The following CISD2 variants were observed in gnomAD, a reference collection of about 807,000 sequenced individuals.
The protein encoded by CISD2 is CDGSH iron-sulfur domain-containing protein 2.
CISD2 carries 1 observed loss-of-function variant against 12.9 expected under a neutral mutation model. The observed-to-expected ratio is 0.08, with a 90% confidence interval of 0.03 to 0.37. CISD2 has a LOEUF of 0.37. CISD2 is among the 10% of genes least tolerant of loss of function. The pLI is 0.99. For missense variants in CISD2, 97 were observed against 163.1 expected (o/e 0.59, Z 2.21); for synonymous variants, 50 against 60.6 (o/e 0.83, Z 0.81).
intron 1 of CISD2, among the ~76,000 whole-genome samples, chr4:102,872,036 A>C (rs1733467092): frequency 6.6e-6 from 1 of 152,224 alleles, no homozygotes; most frequent in Non-Finnish European, 1.5e-5. Context: ...GAGGCGTTCA[A>C]GATAAATTAC....
rs554409174 is a variant in CISD2 at position 102,880,794 on chromosome 4, A to G, written c.104-4422A>G. Among the ~76,000 whole-genome samples, 208 of 152,142 alleles carry G rather than the reference A, an allele frequency of 1.4e-3. No individual in the cohort carries two copies. In the Middle Eastern group the frequency reaches 0.017, roughly 12 times the overall value. Reference sequence around the variant, plus strand: ...GATCACCTGAGGTCAGGAGCTTGAGACCAACCTGACCAACACGGTGAAACC... The same window carrying G: ...GATCACCTGAGGTCAGGAGCTTGAGGCCAACCTGACCAACACGGTGAAACC... On this transcript the variant is annotated intron_variant, in intron 1 of 2. Coordinates refer to ENST00000273986, the MANE Select transcript of CISD2 (RefSeq NM_001008388.5).
intron 1 of CISD2, chr4:102,869,544 AGTC>A (rs1560900148): frequency 2.8e-6 from 2 of 702,018 alleles, no homozygotes; most frequent in Non-Finnish European, 5.2e-6. Context: ...AAGCGGGCTA[AGTC>A]GTCGTTATCT....
chr4:102,890,698 C>T lies in CISD2; in HGVS notation c.*3268C>T, dbSNP rs113360567. On this transcript the variant is annotated 3_prime_UTR_variant, in exon 3 of 3. Coordinates refer to ENST00000273986, the MANE Select transcript of CISD2 (RefSeq NM_001008388.5). ...TCTACAGAAAAATGCAAAAATTAGCCGGGCACAGTGGCGCACCAGTAGTCC... is the reference window on the plus strand; with the variant it reads ...TCTACAGAAAAATGCAAAAATTAGCTGGGCACAGTGGCGCACCAGTAGTCC... The T allele has an allele frequency of 0.059, 8,934 of 151,790 alleles. 379 individuals carry two copies. Among genetic ancestry groups the T allele is most frequent in the Admixed American group, 0.11 (1,722 of 15,246 alleles). 9.4% of individuals were successfully genotyped at this position (151,790 alleles called of 1,614,324 possible).
chr4:102,885,374 A>G lies in CISD2; in HGVS notation c.262A>G (p.Ile88Val), dbSNP rs1189953829. The change falls in exon 2 of 3, where the codon ATT becomes GTT. Residue 88 changes from isoleucine to valine, a missense_variant. Physicochemically the swap from Ile to Val is conservative, Grantham distance 29. Transcript: ENST00000273986. ...ENPKVVNEIN[I>V]EDLCLTKAAY... ...TCCGAAAGTAGTGAATGAAATAAAC[A>G]TTGAAGATTTGTGTCTTACTAAAGC... The G allele has an allele frequency of 6.2e-7, 1 of 1,614,146 alleles. No homozygotes were observed. The highest frequency in any genetic ancestry group is 1.3e-5 in the African/African-American group (1 of 75,070).
chr4:102,889,155 T>G lies in CISD2; in HGVS notation c.*1725T>G, dbSNP rs1395187881. On this transcript the variant is annotated 3_prime_UTR_variant, in exon 3 of 3. Coordinates refer to ENST00000273986, the MANE Select transcript of CISD2 (RefSeq NM_001008388.5). ...ATGTATTTTAGAGTTAGAAATGTAGTCTGGTTTTTGAGAAGTTTTACAAGG... is the reference window on the plus strand; with the variant it reads ...ATGTATTTTAGAGTTAGAAATGTAGGCTGGTTTTTGAGAAGTTTTACAAGG... 2 of 152,216 alleles carry G rather than the reference T, an allele frequency of 1.3e-5. No individual in the cohort carries two copies. 9.4% of individuals were successfully genotyped at this position (152,216 alleles called of 1,614,324 possible).
At chr4:102,884,397 G>A (rs554557532) in intron 1 of CISD2, among the ~76,000 whole-genome samples, 1 of 152,154 alleles carries the variant, frequency 6.6e-6, no homozygotes, top group Non-Finnish European at 1.5e-5. Flanking sequence ...GCCTAGCAAG[G>A]TATCAGATTC....
At chr4:102,884,195 T>G (rs1733799422) in intron 1 of CISD2, among the ~76,000 whole-genome samples, 1 of 152,214 alleles carries the variant, frequency 6.6e-6, no homozygotes, top group Non-Finnish European at 1.5e-5. Context: ...AGGCTACAGT[T>G]TTCTCACATG....
In CISD2 at chr4:102,889,112, A is replaced by G. The variant is rs1234246411; in HGVS notation, c.*1682A>G. On this transcript the variant is annotated 3_prime_UTR_variant, in exon 3 of 3. Transcript: ENST00000273986. ...GTAGGTTCAATTATATGATCGTAAC[A>G]TCTTCATGACCAGCAGCATGTATTT... 3 of 152,240 alleles carry G rather than the reference A, an allele frequency of 2.0e-5. No homozygotes were observed. The highest frequency in any genetic ancestry group is 4.4e-5 in the Non-Finnish European group (3 of 68,050). 9.4% of individuals were successfully genotyped at this position (152,240 alleles called of 1,614,324 possible).
intron 1 of CISD2, among the ~76,000 whole-genome samples, chr4:102,871,011 A>T (rs1383142943): frequency 6.6e-6 from 1 of 152,116 alleles, no homozygotes; most frequent in African/African-American, 2.4e-5. Context: ...TCATATTGTG[A>T]CTTTTGTACC....
chr4:102,870,291 A>G (rs1459680483), intron 1 of CISD2, among the ~76,000 whole-genome samples: 1 of 152,192 alleles, frequency 6.6e-6, no homozygotes, highest in Non-Finnish European at 1.5e-5. Flanking sequence ...TGGGAGGTGA[A>G]TTTCAGTCTA....
At chr4:102,880,991 A>G (rs1042143022) in intron 1 of CISD2, among the ~76,000 whole-genome samples, 5 of 137,746 alleles carry the variant, frequency 3.6e-5, no homozygotes, top group African/African-American at 1.5e-4. Context: ...ACGCTGTCTC[A>G]AAAAAAAAAA....
chr4:102,873,567 G>C (rs142834125), intron 1 of CISD2, among the ~76,000 whole-genome samples: 1 of 152,162 alleles, frequency 6.6e-6, no homozygotes, highest in East Asian at 1.9e-4. Flanking sequence ...GAGGCACTGT[G>C]AGTGGCCTAG....
intron 1 of CISD2, among the ~76,000 whole-genome samples, chr4:102,877,643 C>A (rs1216213575): frequency 1.3e-5 from 2 of 152,256 alleles, no homozygotes; most frequent in African/African-American, 4.8e-5. Context: ...TCCAACCCCA[C>A]ATTTCCCCTT....
intron 1 of CISD2, 149 bp downstream of exon 1, chr4:102,869,336 G>C (rs1275102703): frequency 1.9e-6 from 2 of 1,063,362 alleles, no homozygotes; most frequent in Admixed American, 4.0e-5. Context: ...GCGCGCCGAC[G>C]CAGCTGCCTG....
chr4:102,883,270 T>C (rs1210320798), intron 1 of CISD2, among the ~76,000 whole-genome samples: 1 of 152,164 alleles, frequency 6.6e-6, no homozygotes, highest in African/African-American at 2.4e-5. Context: ...ATATTTCTCC[T>C]GCCCTAAGTC....
At chr4:102,887,258 T>C in intron 2 of CISD2, 83 bp from the exon 3 acceptor site, 3 of 849,416 alleles carry the variant, frequency 3.5e-6, no homozygotes, top group Non-Finnish European at 5.9e-6. Context: ...TGATATGCTT[T>C]CTTTCTGAGA....
intron 1 of CISD2, among the ~76,000 whole-genome samples, chr4:102,869,831 C>A (rs779512918): frequency 1.3e-5 from 2 of 152,004 alleles, no homozygotes; most frequent in African/African-American, 2.4e-5. Context: ...TATTCGAAGG[C>A]CGGTATGAGG....
intron 1 of CISD2, among the ~76,000 whole-genome samples, chr4:102,878,222 G>A (rs1422907405): frequency 1.3e-5 from 2 of 152,002 alleles, no homozygotes; most frequent in African/African-American, 4.8e-5. Context: ...TGCAACCTCC[G>A]CCTCCTGGGT....
At chr4:102,882,225 TC>T (rs1733738477) in intron 1 of CISD2, among the ~76,000 whole-genome samples, 1 of 152,092 alleles carries the variant, frequency 6.6e-6, no homozygotes, top group Non-Finnish European at 1.5e-5. Context: ...ATCTTTGCGT[TC>T]CCATTCACTC....
Sources: allele counts gnomAD v4.1 joint callset (sites outside exome capture counted in the v4.1 genomes callset), GRCh38; gene constraint gnomAD v4.1.1; transcripts MANE v1.5; gene names NCBI Gene and HGNC (gene_info 2026-07-23, HGNC 2026-07-21).